The following GAPVD1 variants were observed in gnomAD, a reference collection of about 807,000 sequenced individuals.
The protein encoded by GAPVD1 is GTPase-activating protein and VPS9 domain-containing protein 1.
A neutral mutation model predicts 155.5 loss-of-function variants in GAPVD1; 35 were observed. That is an observed-to-expected ratio of 0.23 (90% CI 0.17 to 0.30). The LOEUF (loss-of-function observed/expected upper bound fraction) is 0.30. GAPVD1 is among the 10% of genes least tolerant of loss of function. The probability of loss-of-function intolerance (pLI) is 1.00; values close to 1 mark genes in which losing one functional copy is unlikely to be tolerated. For missense variants in GAPVD1, 1,429 were observed against 1,775.7 expected (o/e 0.80, Z 3.51); for synonymous variants, 636 against 619.7 (o/e 1.03, Z -0.39).
chr9:125,359,002 G>A (rs1181421841), intron 25 of GAPVD1, among the ~76,000 whole-genome samples: 2 of 152,178 alleles, frequency 1.3e-5, no homozygotes, highest in African/African-American at 4.8e-5. Flanking sequence ...TCTACAAAGT[G>A]AAAGGTTGGG....
rs73668916 is a variant in GAPVD1 at position 125,334,775 on chromosome 9, C to T, written c.2428+2146C>T. ...TAAAAAAATTAGCCAGGTGTGGTGG[C>T]GCATGCCTGTGGTCCCATCTTTAAA... On this transcript the variant is annotated intron_variant, in intron 15 of 27. Coordinates refer to ENST00000297933, the MANE Select transcript of GAPVD1 (RefSeq NM_001282680.3). 5.4e-5 allele frequency among the ~76,000 whole-genome samples: 8 copies of T among 147,840 alleles called. No individual in the cohort carries two copies. The East Asian group carries it at 7.9e-4, about 15-fold the overall frequency.
At position 125,366,025 on chromosome 9, in the gene GAPVD1, C is replaced by T. The variant is rs994850279; in HGVS notation, c.*3279C>T. ...GGTAAAATCTCAGCCACAGTAATTG[C>T]TTTCTTCTGCTTTTTCTTTATAAAA... On this transcript the variant is annotated 3_prime_UTR_variant, in exon 28 of 28. Coordinates refer to ENST00000297933, the MANE Select transcript of GAPVD1 (RefSeq NM_001282680.3). 6.6e-6 allele frequency: 1 copy of T among 152,150 alleles called. No individual in the cohort carries two copies. Among genetic ancestry groups the T allele is most frequent in the Non-Finnish European group, 1.5e-5 (1 of 68,032 alleles). The allele number at this position is 152,150 out of a possible 1,614,324, so 9.4% of individuals were successfully genotyped here.
At chr9:125,278,792 GCCACAGTA>G (rs2132059403) in intron 2 of GAPVD1, among the ~76,000 whole-genome samples, 1 of 151,532 alleles carries the variant, frequency 6.6e-6, no homozygotes, top group African/African-American at 2.4e-5. Context: ...CCATTATCAT[GCCACAGTA>G]CTCCAGCCTG....
chr9:125,294,835 A>C (rs145750492), intron 2 of GAPVD1, among the ~76,000 whole-genome samples: 99 of 152,102 alleles, frequency 6.5e-4, no homozygotes, highest in African/African-American at 2.1e-3. Flanking sequence ...TTGGGTGTAA[A>C]CTCAAATGAA....
chr9:125,361,808 A>T (rs1361086605), intron 27 of GAPVD1, among the ~76,000 whole-genome samples: 1 of 152,194 alleles, frequency 6.6e-6, no homozygotes, highest in Non-Finnish European at 1.5e-5. Flanking sequence ...TTTGAGGGTG[A>T]CCATGTAGTT....
intron 1 of GAPVD1, among the ~76,000 whole-genome samples, chr9:125,265,194 T>G (rs1195371019): frequency 1.1e-4 from 16 of 152,300 alleles, no homozygotes; most frequent in Admixed American, 3.9e-4. Context: ...AGTTCTTGTT[T>G]TGCTGAGGTT....
intron 2 of GAPVD1, among the ~76,000 whole-genome samples, chr9:125,294,635 C>T (rs539350499): frequency 1.2e-4 from 18 of 149,934 alleles, no homozygotes; most frequent in African/African-American, 3.9e-4. Flanking sequence ...CGTGAGCCAC[C>T]GTACCCAGCT....
At chr9:125,265,273 C>A (rs902268068) in intron 1 of GAPVD1, among the ~76,000 whole-genome samples, 1 of 151,884 alleles carries the variant, frequency 6.6e-6, no homozygotes, top group Middle Eastern at 3.4e-3. Flanking sequence ...CTTTCTTCTT[C>A]CTTCTTTTTT....
chr9:125,333,485 C>CTTTTT (rs36083522), intron 15 of GAPVD1, among the ~76,000 whole-genome samples: 1 of 124,354 alleles, frequency 8.0e-6, no homozygotes, highest in Non-Finnish European at 1.7e-5. Flanking sequence ...TACCTTTTGT[C>CTTTTT]TTTTTTTTTT....
chr9:125,303,175 C>A (rs1373696727), intron 5 of GAPVD1, among the ~76,000 whole-genome samples: 1 of 152,046 alleles, frequency 6.6e-6, no homozygotes, highest in Non-Finnish European at 1.5e-5. Flanking sequence ...CAGGCGCACA[C>A]CACCGCCCTG....
Position 125,354,922 on chromosome 9 carries a change from A to G in GAPVD1, c.3757+81A>G, listed in dbSNP as rs962061822. 5.3e-5 allele frequency: 50 copies of G among 940,182 alleles called. No homozygotes were observed. In the African/African-American group the frequency reaches 6.8e-4, roughly 13 times the overall value. The allele number at this position is 940,182 out of a possible 1,614,324, so 58.2% of individuals were successfully genotyped here. ...TTTAGAAATACTGTTTTGTTTTGCTAGTTTGTTCAAGTATCTGCATGCCTT... is the reference window on the plus strand; with the variant it reads ...TTTAGAAATACTGTTTTGTTTTGCTGGTTTGTTCAAGTATCTGCATGCCTT... On this transcript the variant is annotated intron_variant, in intron 24 of 27. Coordinates refer to ENST00000297933, the MANE Select transcript of GAPVD1 (RefSeq NM_001282680.3).
chr9:125,312,515 C>T lies in GAPVD1; in HGVS notation c.1505C>T (p.Ser502Phe). The change falls in exon 9 of 28, where the codon TCT becomes TTT. Residue 502 changes from serine (S) to phenylalanine (F), a missense_variant. Transcript: ENST00000297933. Reference protein sequence around the residue: ...MDLHMDHEGSSQETIQEVQPE... With the variant: ...MDLHMDHEGSFQETIQEVQPE... ...CTACATATGGACCATGAAGGATCAT[C>T]TCAAGAAACCATTCAGGAGGTGCAA... 1 of 1,609,950 alleles carries T rather than the reference C, an allele frequency of 6.2e-7. No homozygotes were observed. The highest frequency in any genetic ancestry group is 1.1e-5 in the South Asian group (1 of 90,272).
intron 2 of GAPVD1, among the ~76,000 whole-genome samples, chr9:125,292,572 T>C (rs557821025): frequency 5.9e-5 from 9 of 152,244 alleles, no homozygotes; most frequent in Admixed American, 1.3e-4. Context: ...TTTGTATTTT[T>C]ACTAGAGGGA....
intron 8 of GAPVD1, among the ~76,000 whole-genome samples, chr9:125,311,806 G>A (rs1588869843): frequency 1.3e-5 from 2 of 150,958 alleles, no homozygotes; most frequent in East Asian, 3.9e-4. Context: ...TTCAGTCTCC[G>A]TCTGCCTGGT....
intron 2 of GAPVD1, among the ~76,000 whole-genome samples, chr9:125,289,873 G>T (rs899955865): frequency 6.6e-5 from 10 of 152,108 alleles, no homozygotes; most frequent in African/African-American, 2.2e-4. Context: ...TGAGCCTTGG[G>T]GTAATTTATC....
intron 9 of GAPVD1, among the ~76,000 whole-genome samples, chr9:125,315,827 CT>C (rs535494309): frequency 6.6e-6 from 1 of 152,064 alleles, no homozygotes; most frequent in South Asian, 2.1e-4. Flanking sequence ...ATACCCAGGG[CT>C]GGTCATGTGC....
chr9:125,357,066 CA>C (rs1046434186), intron 25 of GAPVD1, among the ~76,000 whole-genome samples: 3 of 152,078 alleles, frequency 2.0e-5, no homozygotes, highest in Non-Finnish European at 4.4e-5. Context: ...TTCAGCCTCC[CA>C]AAGTGCTGGG....
At chr9:125,323,051 T>TAAAAAAAAA (rs747447121) in intron 10 of GAPVD1, among the ~76,000 whole-genome samples, 1 of 102,482 alleles carries the variant, frequency 9.8e-6, no homozygotes, top group Non-Finnish European at 2.0e-5. Flanking sequence ...AGACTCTCTC[T>TAAAAAAAAA]AAAAAAAAAA....
intron 21 of GAPVD1, 30 bp downstream of exon 21, chr9:125,349,549 G>A: frequency 1.9e-6 from 3 of 1,603,588 alleles, no homozygotes; most frequent in Non-Finnish European, 2.6e-6. Flanking sequence ...TGGGACTTTA[G>A]GGTTTGGACT....
Sources: allele counts gnomAD v4.1 joint callset (sites outside exome capture counted in the v4.1 genomes callset), GRCh38; gene constraint gnomAD v4.1.1; transcripts MANE v1.5; gene names NCBI Gene and HGNC (gene_info 2026-07-23, HGNC 2026-07-21).